Variants in FMN2 observed in about 807,000 individuals in gnomAD.
FMN2 encodes formin 2, also known as formin-2.
FMN2 carries 51 observed loss-of-function variants against 142.3 expected under a neutral mutation model. The observed-to-expected ratio is 0.36, with a 90% CI of 0.29 to 0.45. FMN2 has a LOEUF of 0.45. FMN2 is among the 20% of genes least tolerant of loss of function. FMN2 has a pLI of 1.00. For synonymous variants in FMN2, 882 were observed against 869.8 expected, an observed-to-expected ratio of 1.01 and a Z score of -0.25; for missense variants, 1,936 against 2,122.8, an observed-to-expected ratio of 0.91 and a Z score of 1.73.
intron 8 of FMN2, among the ~76,000 whole-genome samples, chr1:240,306,815 A>C (rs1670424791): frequency 6.6e-6 from 1 of 152,156 alleles, no homozygotes. Flanking sequence ...GTTCATTGGG[A>C]AATCTCCAAA....
At chr1:240,442,946 C>T (rs1182748458) in intron 16 of FMN2, among the ~76,000 whole-genome samples, 1 of 152,212 alleles carries the variant, frequency 6.6e-6, no homozygotes, top group Non-Finnish European at 1.5e-5. Context: ...ATAATACAGT[C>T]TTGCAGTGTT....
chr1:240,463,800 C>T (rs905961188), intron 16 of FMN2, among the ~76,000 whole-genome samples: 2 of 151,848 alleles, frequency 1.3e-5, no homozygotes, highest in African/African-American at 2.4e-5. Context: ...GCCAGGAGTT[C>T]GAGACCAGCC....
chr1:240,438,482 A>G (rs1279854684), intron 16 of FMN2, among the ~76,000 whole-genome samples: 6 of 152,184 alleles, frequency 3.9e-5, no homozygotes, highest in Non-Finnish European at 8.8e-5. Flanking sequence ...GAAACCACGT[A>G]AAAGTGACCA....
chr1:240,472,504 A>G (rs893310855), intron 17 of FMN2, 51 bp downstream of exon 17: 11 of 1,200,666 alleles, frequency 9.2e-6, no homozygotes, highest in Non-Finnish European at 1.2e-5. Flanking sequence ...TTTAAATCCT[A>G]TTTTCATAAT....
At chr1:240,367,527 T>TG (rs557003058) in intron 14 of FMN2, among the ~76,000 whole-genome samples, 1,532 of 152,148 alleles carry the variant, frequency 0.01, 24 homozygotes, top group African/African-American at 0.035. Context: ...CCCAGCACTT[T>TG]GGAGGCCAAG....
rs147915685 is a variant in FMN2, at chr1:240,263,353, G to A, written c.4153+5321G>A. On this transcript the variant is annotated intron_variant, in intron 7 of 17. Transcript: ENST00000319653. ...ATAGTCTGCACGAGACATCTAGAAA[G>A]TCAACTCAGCCAGTGGCTGCACCCA... Among the ~76,000 whole-genome samples the A allele has an allele frequency of 8.2e-3, 1,243 of 152,288 alleles. 19 individuals carry two copies. The highest frequency in any genetic ancestry group is 0.028 in the African/African-American group (1,160 of 41,556).
chr1:240,251,519 G>C (rs1318894210), intron 6 of FMN2, among the ~76,000 whole-genome samples: 3 of 152,198 alleles, frequency 2.0e-5, no homozygotes, highest in Non-Finnish European at 4.4e-5. Flanking sequence ...TGTTCCATGT[G>C]ATGATGAGAA....
chr1:240,355,524 A>G (rs9659132), intron 13 of FMN2, among the ~76,000 whole-genome samples: 21,746 of 152,084 alleles, frequency 0.14, 2,466 homozygotes, highest in African/African-American at 0.32. Flanking sequence ...TGCCCATTTT[A>G]CAGATGAAGA....
chr1:240,449,155 A>C (rs1228120568), intron 16 of FMN2, among the ~76,000 whole-genome samples: 2 of 152,044 alleles, frequency 1.3e-5, no homozygotes, highest in African/African-American at 4.8e-5. Context: ...AAAAAAAAAA[A>C]AGTGGTTAAA....
rs553714078 is a variant in FMN2 at position 240,145,357 on chromosome 1, C to T, written c.1782+22012C>T. The T allele has an allele frequency of 5.2e-5, 37 of 708,934 alleles. No homozygotes were observed. The South Asian group carries it at 8.2e-4, about 16-fold the overall frequency. The allele number at this position is 708,934 out of a possible 1,614,324, so 43.9% of individuals were successfully genotyped here. ...GCTGGGACTGCACCAGCGTCTTGTC[C>T]CATCCTCCCTCCTCCATCTCCGCTG... On this transcript the variant is annotated intron_variant, in intron 2 of 17. Coordinates refer to ENST00000319653, the MANE Select transcript of FMN2 (RefSeq NM_020066.5).
At chr1:240,346,822 A>G (rs1671923967) in intron 13 of FMN2, among the ~76,000 whole-genome samples, 1 of 152,226 alleles carries the variant, frequency 6.6e-6, no homozygotes, top group Non-Finnish European at 1.5e-5. Context: ...AAGAAATTAT[A>G]TAACAGCATA....
At chr1:240,140,470 A>G (rs1663132930) in intron 2 of FMN2, among the ~76,000 whole-genome samples, 1 of 152,152 alleles carries the variant, frequency 6.6e-6, no homozygotes, top group African/African-American at 2.4e-5. Context: ...CTCTGACCCT[A>G]ACTTGCCACA....
intron 1 of FMN2, among the ~76,000 whole-genome samples, chr1:240,100,108 A>T (rs1661364184): frequency 6.6e-6 from 1 of 152,170 alleles, no homozygotes; most frequent in Non-Finnish European, 1.5e-5. Context: ...AAAATTGCTA[A>T]CCTTTCTGGG....
chr1:240,273,734 A>G (rs1669099601), intron 7 of FMN2, among the ~76,000 whole-genome samples: 4 of 152,230 alleles, frequency 2.6e-5, no homozygotes, highest in Admixed American at 2.6e-4. Context: ...TATTCCTTCT[A>G]TTATTACCAC....
rs79890126 is a variant in FMN2 at position 240,285,480 on chromosome 1, C to T, written c.4154-9342C>T. Among the ~76,000 whole-genome samples, 333 of 151,996 alleles carry T rather than the reference C, an allele frequency of 2.2e-3. 3 individuals are homozygous for T. The highest frequency in any genetic ancestry group is 7.6e-3 in the African/African-American group (316 of 41,460). ...AAGTGCTGGAGTATTTCAAGCCCACCGTGAGACTGGGCGAGACCACCAAGG... is the reference window on the plus strand; with the variant it reads ...AAGTGCTGGAGTATTTCAAGCCCACTGTGAGACTGGGCGAGACCACCAAGG... On this transcript the variant is annotated intron_variant, in intron 7 of 17. Coordinates refer to ENST00000319653, the MANE Select transcript of FMN2 (RefSeq NM_020066.5).
intron 2 of FMN2, among the ~76,000 whole-genome samples, chr1:240,149,544 G>GCTCA (rs1663673475): frequency 6.6e-6 from 1 of 152,040 alleles, no homozygotes; most frequent in Non-Finnish European, 1.5e-5. Context: ...ATTTCTTTTT[G>GCTCA]GCATGTTTCT....
intron 15 of FMN2, among the ~76,000 whole-genome samples, chr1:240,416,708 A>G (rs1674587504): frequency 6.8e-6 from 1 of 147,068 alleles, no homozygotes. Context: ...TCTCTATTTT[A>G]TTGGTCTTTG....
chr1:240,431,997 G>A (rs1424445661), intron 15 of FMN2, among the ~76,000 whole-genome samples: 1 of 151,508 alleles, frequency 6.6e-6, no homozygotes, highest in African/African-American at 2.4e-5. Flanking sequence ...CATAAAATGA[G>A]TTGGGAAGTA....
chr1:240,372,532 A>G (rs1672901509), intron 14 of FMN2, among the ~76,000 whole-genome samples: 1 of 150,838 alleles, frequency 6.6e-6, no homozygotes, highest in South Asian at 2.1e-4. Flanking sequence ...TATTTTGTAT[A>G]TATTATATAT....
Sources: gnomAD v4.1 joint callset for allele counts (sites outside exome capture counted in the v4.1 genomes callset) on GRCh38, gnomAD v4.1.1 for gene constraint, MANE v1.5 for transcripts, NCBI Gene and HGNC (gene_info 2026-07-23, HGNC 2026-07-21) for gene names.